The following CLVS1 variants were observed in gnomAD, a reference collection of about 807,000 sequenced individuals.
CLVS1 encodes the protein clavesin-1.
In CLVS1, 10 loss-of-function variants were observed where a neutral mutation model predicts 33.1. The observed-to-expected ratio is 0.30, with a 90% confidence interval of 0.19 to 0.51. CLVS1 has a LOEUF of 0.51. Ranked by LOEUF, CLVS1 falls within the 20% of genes least tolerant of loss-of-function variation. The pLI is 0.97. For missense variants in CLVS1, 343 were observed against 433.4 expected, an observed-to-expected ratio of 0.79 and a Z score of 1.85; for synonymous variants, 163 against 166.1, an observed-to-expected ratio of 0.98 and a Z score of 0.14.
intron 1 of CLVS1, among the ~76,000 whole-genome samples, chr8:61,093,838 T>C (rs1230035362): frequency 6.6e-6 from 1 of 152,238 alleles, no homozygotes; most frequent in East Asian, 1.9e-4. Flanking sequence ...CAGCATCAGG[T>C]GTCACAACTA....
chr8:61,258,971 C>G (rs1038011709), intron 2 of CLVS1, among the ~76,000 whole-genome samples: 1 of 151,988 alleles, frequency 6.6e-6, no homozygotes, highest in African/African-American at 2.4e-5. Context: ...CTAATAGATA[C>G]AAAACATTAA....
At chr8:61,157,402 A>G (rs1192227872) in intron 2 of CLVS1, among the ~76,000 whole-genome samples, 1 of 152,218 alleles carries the variant, frequency 6.6e-6, no homozygotes. Context: ...AAGATGAATC[A>G]CAGACCTAAA....
intron 2 of CLVS1, among the ~76,000 whole-genome samples, chr8:61,172,546 T>A (rs1807025016): frequency 1.3e-5 from 2 of 152,178 alleles, no homozygotes; most frequent in African/African-American, 4.8e-5. Context: ...TCAAGAGTTT[T>A]AAAAAATTAA....
At chr8:61,196,680 C>A (rs756825152) in intron 2 of CLVS1, among the ~76,000 whole-genome samples, 1 of 152,086 alleles carries the variant, frequency 6.6e-6, no homozygotes, top group Non-Finnish European at 1.5e-5. Flanking sequence ...CAGTCAGGGA[C>A]AATGGAGGAA....
chr8:61,055,854 C>T (rs541326506), upstream of CLVS1, among the ~76,000 whole-genome samples: 43 of 152,372 alleles, frequency 2.8e-4, no homozygotes, highest in African/African-American at 8.7e-4. Flanking sequence ...TCTCCAAGGC[C>T]AGTCATTCTG....
chr8:61,486,003 G>C (rs550697805), intron 5 of CLVS1, among the ~76,000 whole-genome samples: 1 of 152,060 alleles, frequency 6.6e-6, no homozygotes, highest in African/African-American at 2.4e-5. Flanking sequence ...TGTAAATGAC[G>C]AGTTAATGGG....
chr8:61,205,369 C>T lies in CLVS1; in HGVS notation c.-152+73509C>T, dbSNP rs186414209. 5.3e-5 allele frequency among the ~76,000 whole-genome samples: 8 copies of T among 152,316 alleles called. No individual in the cohort carries two copies. In the East Asian group the frequency reaches 1.5e-3, roughly 29 times the overall value. On this transcript the variant is annotated intron_variant, in intron 2 of 2. Transcript: ENST00000522621. ...ACTTTCTGTCTCACATCAATGGAAT[C>T]ATACAGTATTTGTCCTTTCGTGTTG... is the stretch of plus-strand genomic sequence containing the variant.
chr8:61,490,359 A>G (rs191681213), intron 5 of CLVS1, among the ~76,000 whole-genome samples: 167 of 151,536 alleles, frequency 1.1e-3, no homozygotes, highest in Admixed American at 7.5e-3. Context: ...ATTTATGGAA[A>G]TGAAAAACAT....
intron 2 of CLVS1, among the ~76,000 whole-genome samples, chr8:61,267,180 AC>A (rs1809325651): frequency 6.6e-6 from 1 of 152,214 alleles, no homozygotes; most frequent in Non-Finnish European, 1.5e-5. Context: ...TCAGTCCTTC[AC>A]AGCATACCAC....
At chr8:61,258,977 A>G (rs1809143185) in intron 2 of CLVS1, among the ~76,000 whole-genome samples, 1 of 152,226 alleles carries the variant, frequency 6.6e-6, no homozygotes, top group Non-Finnish European at 1.5e-5. Flanking sequence ...GATACAAAAC[A>G]TTAAAAAGTT....
chr8:61,186,888 T>A (rs1054844531), intron 2 of CLVS1, among the ~76,000 whole-genome samples: 4 of 152,086 alleles, frequency 2.6e-5, no homozygotes, highest in Non-Finnish European at 5.9e-5. Context: ...CTGAGAAAAA[T>A]TGTAGCACCT....
At chr8:61,437,943 T>C (rs1401934364) in intron 3 of CLVS1, among the ~76,000 whole-genome samples, 1 of 152,242 alleles carries the variant, frequency 6.6e-6, no homozygotes, top group Non-Finnish European at 1.5e-5. Context: ...GACGTTGAAC[T>C]GTAAGATCTG....
At chr8:61,480,360 G>A (rs185400464) in intron 5 of CLVS1, among the ~76,000 whole-genome samples, 31 of 152,278 alleles carry the variant, frequency 2.0e-4, no homozygotes, top group African/African-American at 7.0e-4. Flanking sequence ...GCAAGGCTCC[G>A]TGGGCGTAGG....
At chr8:61,188,167 G>T (rs1807383075) in intron 2 of CLVS1, among the ~76,000 whole-genome samples, 1 of 152,154 alleles carries the variant, frequency 6.6e-6, no homozygotes, top group Non-Finnish European at 1.5e-5. Flanking sequence ...TTATGATAGT[G>T]AATTGGATGT....
intron 2 of CLVS1, among the ~76,000 whole-genome samples, chr8:61,246,806 T>G (rs1329307990): frequency 6.6e-6 from 1 of 152,188 alleles, no homozygotes; most frequent in Non-Finnish European, 1.5e-5. Flanking sequence ...CTTTCTTTTT[T>G]TAAAAAAATT....
At chr8:61,332,949 T>C (rs1169311366) in intron 2 of CLVS1, among the ~76,000 whole-genome samples, 7 of 152,236 alleles carry the variant, frequency 4.6e-5, no homozygotes, top group Non-Finnish European at 1.0e-4. Context: ...CTCCCAAGCT[T>C]CATCTTCCAT....
the CLVS1 span, among the ~76,000 whole-genome samples, chr8:61,002,089 C>T: frequency 6.6e-6 from 1 of 152,044 alleles, no homozygotes; most frequent in East Asian, 1.9e-4. Flanking sequence ...AGCAATCCTT[C>T]TACCTCACCC....
chr8:61,317,959 A>G (rs1276683548), intron 2 of CLVS1, among the ~76,000 whole-genome samples: 6 of 152,164 alleles, frequency 3.9e-5, no homozygotes, highest in East Asian at 1.9e-4. Context: ...TTTGCCCACT[A>G]TGAAGCCTTG....
chr8:61,364,508 A>G (rs1461175114), intron 2 of CLVS1, among the ~76,000 whole-genome samples: 2 of 152,186 alleles, frequency 1.3e-5, no homozygotes, highest in Non-Finnish European at 2.9e-5. Flanking sequence ...TTACATAATA[A>G]TTTCCTACAG....
Sources: gnomAD v4.1 joint callset for allele counts (sites outside exome capture counted in the v4.1 genomes callset) on GRCh38, gnomAD v4.1.1 for gene constraint, MANE v1.5 for transcripts, NCBI Gene and HGNC (gene_info 2026-07-23, HGNC 2026-07-21) for gene names.